Variants in ZNF565 observed in about 807,000 individuals in gnomAD.
ZNF565 encodes zinc finger protein 565.
A neutral mutation model predicts 39.4 loss-of-function variants in ZNF565; 27 were observed. The observed-to-expected ratio is 0.69, with a 90% CI of 0.51 to 0.95. ZNF565 has a LOEUF of 0.95. Among genes scored for constraint, ZNF565 ranks in the 40% least tolerant of loss-of-function variants. The pLI is 0.00. For missense variants in ZNF565, 524 were observed against 621.1 expected, an observed-to-expected ratio of 0.84 and a Z score of 1.66; for synonymous variants, 185 against 216.6, an observed-to-expected ratio of 0.85 and a Z score of 1.28.
chr19:36,214,764 C>CT (rs1272026422), upstream of ZNF565: 6 of 152,688 alleles, frequency 3.9e-5, no homozygotes, highest in African/African-American at 7.2e-5. Flanking sequence ...ATGGCGTTCT[C>CT]TTATCTCTGA....
rs1244342027 is a variant in ZNF565 at position 36,223,188 on chromosome 19, G to A, written c.56-21138C>T. Among the ~76,000 whole-genome samples, 5 of 151,834 alleles carry A rather than the reference G, an allele frequency of 3.3e-5. No homozygotes were observed. The South Asian group carries it at 6.3e-4, about 19-fold the overall frequency. ...TCCCAGCACTTTGGGAGGCTGAGGC[G>A]GGTAGATCACTTGAGGTCAGGAGTT... is the stretch of plus-strand genomic sequence containing the variant. On this transcript the variant is annotated intron_variant, in intron 1 of 4. Transcript: ENST00000355114.
At chr19:36,230,256 A>G (rs903158977) in intron 1 of ZNF565, among the ~76,000 whole-genome samples, 2 of 152,224 alleles carry the variant, frequency 1.3e-5, no homozygotes, top group Non-Finnish European at 2.9e-5. Context: ...TACCAAGCTG[A>G]TATATTCACA....
At chr19:36,205,571 A>G (rs1976122350) in intron 1 of ZNF565, among the ~76,000 whole-genome samples, 1 of 152,138 alleles carries the variant, frequency 6.6e-6, no homozygotes, top group Non-Finnish European at 1.5e-5. Context: ...CTTATTAATG[A>G]AATGGAAGGA....
Position 36,183,799 on chromosome 19 carries a change from A to G in ZNF565, c.233-66T>C, listed in dbSNP as rs1217051766. 4 of 1,430,842 alleles carry G rather than the reference A, an allele frequency of 2.8e-6. No homozygotes were observed. In the African/African-American group the frequency reaches 4.3e-5, roughly 15 times the overall value. 88.6% of individuals were successfully genotyped at this position (1,430,842 alleles called of 1,614,324 possible). On this transcript the variant is annotated intron_variant, in intron 4 of 4. Transcript: ENST00000304116. The stretch of plus-strand genomic sequence containing the variant: ...CTCTATGAGAAATAAAAAATTCTAT[A>G]GTAGAGGCCAGGCACGGTGGCTCAC...
At chr19:36,237,298 C>T (rs761118696) in intron 1 of ZNF565, 2 of 1,606,006 alleles carry the variant, frequency 1.2e-6, no homozygotes, top group East Asian at 4.5e-5. Flanking sequence ...ACATTAGACA[C>T]CAGAAAATTC....
At position 36,195,157 on chromosome 19, in the gene ZNF565, C is replaced by T; in HGVS notation, c.10-1G>A. ...CCACGTCCCTGAATGTCACCAGTCCCTGAAACAATAAACCCACGCATTAGT... is the reference window on the plus strand; with the variant it reads ...CCACGTCCCTGAATGTCACCAGTCCTTGAAACAATAAACCCACGCATTAGT... On this transcript the variant is annotated splice_acceptor_variant, in intron 2 of 4. Coordinates refer to ENST00000304116, the MANE Select transcript of ZNF565 (RefSeq NM_152477.5). LOFTEE classifies it high-confidence loss of function. 1 of 1,613,222 alleles carries T rather than the reference C, an allele frequency of 6.2e-7. No homozygotes were observed. The highest frequency in any genetic ancestry group is 8.5e-7 in the Non-Finnish European group (1 of 1,179,344).
At position 36,182,832 on chromosome 19, in the gene ZNF565, G is replaced by A. The variant is rs760463939; in HGVS notation, c.1134C>T (p.Leu378=). Residue 378 remains leucine (L), a synonymous_variant, in exon 5 of 5, where the codon CTC becomes CTT. Coordinates refer to ENST00000304116, the MANE Select transcript of ZNF565 (RefSeq NM_152477.5). ...CAGTATGGACTCTCTGATGTCGTGT[G>A]AGCTGTGCGTGCTGTCTGAAGGCCT... ...CGKAFRQHAQ[L]TRHQRVHTGD... is the part of the protein sequence containing the mutation. The A allele has an allele frequency of 6.2e-7, 1 of 1,613,826 alleles. No individual in the cohort carries two copies. The highest frequency in any genetic ancestry group is 1.1e-5 in the South Asian group (1 of 91,064).
At chr19:36,219,427 CATT>C (rs1320438701), upstream of ZNF565, among the ~76,000 whole-genome samples, 6 of 152,212 alleles carry the variant, frequency 3.9e-5, no homozygotes, top group East Asian at 1.2e-3. Context: ...AGAAAGTCAT[CATT>C]ATCCGCTCCT....
intron 1 of ZNF565, among the ~76,000 whole-genome samples, chr19:36,233,620 G>C (rs1312553735): frequency 6.6e-6 from 1 of 152,098 alleles, no homozygotes. Context: ...AGGTCAGCAG[G>C]AAAACGTGAA....
intron 1 of ZNF565, among the ~76,000 whole-genome samples, chr19:36,242,981 G>C (rs1391993895): frequency 3.3e-5 from 5 of 152,168 alleles, no homozygotes; most frequent in Non-Finnish European, 5.9e-5. Flanking sequence ...TTCTAAGACT[G>C]TGTTCTGTTC....
intron 2 of ZNF565, 92 bp downstream of exon 2, chr19:36,201,885 G>A: frequency 6.8e-7 from 1 of 1,463,656 alleles, no homozygotes; most frequent in Non-Finnish European, 9.5e-7. Context: ...CTGTGAGAAG[G>A]ATACAGGGAA....
chr19:36,245,385 C>A lies in ZNF565; in HGVS notation c.55+91G>T. The A allele has an allele frequency of 2.9e-6, 2 of 696,054 alleles. No homozygotes were observed. Among genetic ancestry groups the A allele is most frequent in the Middle Eastern group, 2.4e-4 (1 of 4,112 alleles). 43.1% of individuals were successfully genotyped at this position (696,054 alleles called of 1,614,324 possible). On this transcript the variant is annotated intron_variant, in intron 1 of 4. Coordinates refer to the ZNF565 transcript ENST00000355114. The surrounding 1 kb of genome is among the most constrained non-coding windows in gnomAD (Gnocchi z 4.4). ...CTGGCGGGCTCGAAGGGAGGACAGT[C>A]ACTGCGACCCGGAAAGCTCCGCGCT...
chr19:36,238,860 G>C (rs1977744836), intron 1 of ZNF565: 1 of 160,370 alleles, frequency 6.2e-6, no homozygotes, highest in African/African-American at 2.4e-5. Context: ...TGAGTGGCGG[G>C]TGAGCGAGCA....
intron 1 of ZNF565, among the ~76,000 whole-genome samples, chr19:36,213,664 G>T (rs898328661): frequency 1.3e-5 from 2 of 151,362 alleles, no homozygotes; most frequent in African/African-American, 4.9e-5. Context: ...GGGATTACAG[G>T]TGTGAGCCAC....
chr19:36,193,962 T>G (rs564026683), intron 4 of ZNF565, among the ~76,000 whole-genome samples: 1 of 152,060 alleles, frequency 6.6e-6, no homozygotes, highest in Admixed American at 6.5e-5. Flanking sequence ...AAAGTACAGG[T>G]AAAAAGTTGG....
At chr19:36,203,417 T>C (rs957547732) in intron 1 of ZNF565, 5 of 151,362 alleles carry the variant, frequency 3.3e-5, no homozygotes, top group African/African-American at 1.2e-4. Flanking sequence ...CATAACTGAC[T>C]GTGAACAATC....
intron 1 of ZNF565, among the ~76,000 whole-genome samples, chr19:36,204,566 C>T (rs1303702451): frequency 2.0e-5 from 3 of 152,142 alleles, no homozygotes; most frequent in African/African-American, 7.2e-5. Flanking sequence ...GGCTATTGAG[C>T]ATATGAAATG....
intron 1 of ZNF565, among the ~76,000 whole-genome samples, chr19:36,243,352 A>G (rs1320910027): frequency 6.6e-6 from 1 of 152,142 alleles, no homozygotes; most frequent in East Asian, 1.9e-4. Flanking sequence ...ATAATTTCAA[A>G]TCCTCAGGGA....
intron 4 of ZNF565, among the ~76,000 whole-genome samples, chr19:36,187,882 C>T (rs1975366726): frequency 6.6e-6 from 1 of 151,434 alleles, no homozygotes. Context: ...TCATGATCTG[C>T]CCACCTCGGC....
Sources: gnomAD v4.1 joint callset for allele counts (sites outside exome capture counted in the v4.1 genomes callset) on GRCh38, gnomAD v4.1.1 for gene constraint, Gnocchi (gnomAD v3.1) non-coding constraint, MANE v1.5 for transcripts, NCBI Gene and HGNC (gene_info 2026-07-23, HGNC 2026-07-21) for gene names.